The following GAK variants were observed in gnomAD, a reference collection of about 807,000 sequenced individuals.
GAK encodes the protein cyclin G associated kinase.
GAK carries 79 observed loss-of-function variants against 143.9 expected under a neutral mutation model. That is an observed-to-expected ratio of 0.55 (90% CI 0.46 to 0.66). The LOEUF is 0.66. GAK is among the 30% of genes least tolerant of loss of function. The pLI is 0.00. For synonymous variants in GAK, 881 were observed against 765.5 expected, an observed-to-expected ratio of 1.15 and a Z score of -2.49; for missense variants, 1,693 against 1,779.7, an observed-to-expected ratio of 0.95 and a Z score of 0.88.
At chr4:914,746 C>CA (rs1722787329) in intron 1 of GAK, among the ~76,000 whole-genome samples, 1 of 115,270 alleles carries the variant, frequency 8.7e-6, no homozygotes, top group Non-Finnish European at 1.8e-5. Flanking sequence ...GTGCAAGGCC[C>CA]CACACACAGC....
chr4:915,390 G>A, intron 1 of GAK: 1 of 174,600 alleles, frequency 5.7e-6, no homozygotes, highest in Non-Finnish European at 1.2e-5. Context: ...ATAAATTCTA[G>A]ACAGACTGAT....
At chr4:856,451 T>C (rs1371010262) in intron 24 of GAK, among the ~76,000 whole-genome samples, 90 of 91,380 alleles carry the variant, frequency 9.8e-4, no homozygotes, top group Middle Eastern at 0.026. Context: ...AGCTGCTCAC[T>C]ACAGCTGCTC....
At chr4:926,704 G>C (rs963833995) in intron 1 of GAK, among the ~76,000 whole-genome samples, 1 of 152,140 alleles carries the variant, frequency 6.6e-6, no homozygotes, top group African/African-American at 2.4e-5. Context: ...TGGAAGTGAA[G>C]GCGGTTGGTA....
intron 18 of GAK, among the ~76,000 whole-genome samples, chr4:874,528 C>T (rs529231223): frequency 1.2e-4 from 19 of 152,158 alleles, no homozygotes; most frequent in East Asian, 3.8e-4. Context: ...AGAGACGGCG[C>T]GCCTCAGCTG....
Position 877,121 on chromosome 4 carries a change from C to T in GAK, c.1943G>A (p.Arg648Gln), listed in dbSNP as rs1226601402. 6.2e-6 allele frequency: 10 copies of T among 1,613,116 alleles called. No individual in the cohort carries two copies. The highest frequency in any genetic ancestry group is 3.3e-5 in the South Asian group (3 of 91,034). ...GDVLIVIYHA[R>Q]STLGGRLQAK... ...CTGCAGCCGGCCGCCCAGAGTGGAC[C>T]GGGCGTGATAGATGACGATGAGCAC... The change falls in exon 17 of 28, where the codon CGG becomes CAG. Residue 648 changes from arginine (R) to glutamine (Q), a missense_variant. Physicochemically the swap from Arg to Gln is conservative, Grantham distance 43. Coordinates refer to ENST00000314167, the MANE Select transcript of GAK (RefSeq NM_005255.4).
chr4:903,627 A>T (rs1227928369), intron 5 of GAK, among the ~76,000 whole-genome samples: 96 of 142,568 alleles, frequency 6.7e-4, no homozygotes, highest in African/African-American at 1.7e-3. Flanking sequence ...GCGGGGCCTG[A>T]ACTGACACCA....
intron 5 of GAK, among the ~76,000 whole-genome samples, chr4:903,554 G>A (rs1720377543): frequency 6.6e-6 from 1 of 152,164 alleles, no homozygotes; most frequent in South Asian, 2.1e-4. Flanking sequence ...GGGTGAGCAG[G>A]AGTTGGGGGC....
rs201672445 is a variant in GAK, at chr4:849,799, G to A, written c.3835-25C>T. The A allele has an allele frequency of 4.9e-4, 781 of 1,598,994 alleles. 2 individuals carry two copies. Among genetic ancestry groups the A allele is most frequent in the South Asian group, 6.1e-4 (55 of 90,220 alleles). On this transcript the variant is annotated intron_variant, in intron 27 of 27. Coordinates refer to ENST00000314167, the MANE Select transcript of GAK (RefSeq NM_005255.4). ...CCTATGGGTGACAGGCGGTGTAAGC[G>A]CCTCTTATAAGCATGCGGGGGCGGG...
In GAK at chr4:883,374, G is replaced by T. The variant is rs771974925; in HGVS notation, c.1345C>A (p.His449Asn). The change falls in exon 13 of 28, where the codon CAC becomes AAC. Residue 449 changes from histidine (H) to asparagine (N), a missense_variant. This residue lies in a region of GAK where 871 missense variants were observed against 991.0 expected (regional missense o/e 0.88). Transcript: ENST00000314167. The part of the protein sequence containing the change: ...RLFLDSKHPG[H>N]YAVYNLSPRT... ...GGGGACAGGTTGTAGACGGCATAGTGCCCTGGGTGCTTGGAGTCCAGGAAC... is the reference window on the plus strand; with the variant it reads ...GGGGACAGGTTGTAGACGGCATAGTTCCCTGGGTGCTTGGAGTCCAGGAAC... The T allele has an allele frequency of 8.1e-6, 13 of 1,613,626 alleles. No individual in the cohort carries two copies. The highest frequency in any genetic ancestry group is 1.0e-5 in the Non-Finnish European group (12 of 1,180,010).
chr4:910,584 A>T (rs1721874105), intron 4 of GAK, among the ~76,000 whole-genome samples: 1 of 151,890 alleles, frequency 6.6e-6, no homozygotes, highest in South Asian at 2.1e-4. Flanking sequence ...GGCCTGCGCT[A>T]GCCGGCCTGC....
Position 855,684 on chromosome 4 carries a change from C to G in GAK, c.3284-3710G>C, listed in dbSNP as rs142049290. On this transcript the variant is annotated intron_variant, in intron 24 of 27. Coordinates refer to ENST00000314167, the MANE Select transcript of GAK (RefSeq NM_005255.4). Reference sequence around the variant, plus strand: ...GGAGGATGGTTAAAAATGATATTGGCTTGGCCAGGCAGGGTGGCTCATACC... The same window carrying G: ...GGAGGATGGTTAAAAATGATATTGGGTTGGCCAGGCAGGGTGGCTCATACC... Among the ~76,000 whole-genome samples, 78 of 152,312 alleles carry G rather than the reference C, an allele frequency of 5.1e-4. 1 individual carries two copies. The highest frequency in any genetic ancestry group is 1.8e-3 in the African/African-American group (75 of 41,568).
chr4:856,576 C>G (rs1345280783), intron 24 of GAK, among the ~76,000 whole-genome samples: 212 of 147,438 alleles, frequency 1.4e-3, no homozygotes, highest in African/African-American at 4.5e-3. Flanking sequence ...CTCACCACAG[C>G]TGCTCACCAC....
intron 1 of GAK, among the ~76,000 whole-genome samples, chr4:925,723 T>C (rs1010325422): frequency 3.9e-5 from 6 of 152,192 alleles, no homozygotes; most frequent in Admixed American, 6.5e-5. Flanking sequence ...CCTTCTGCCC[T>C]GTGAGGACAC....
intron 26 of GAK, 78 bp downstream of exon 26, chr4:850,858 C>T: frequency 2.0e-6 from 3 of 1,503,664 alleles, no homozygotes; most frequent in Non-Finnish European, 2.7e-6. Flanking sequence ...GACGCCGGCT[C>T]CATAAGGCAC....
intron 18 of GAK, among the ~76,000 whole-genome samples, chr4:873,602 T>C (rs1713174526): frequency 6.6e-6 from 1 of 152,152 alleles, no homozygotes; most frequent in Non-Finnish European, 1.5e-5. Context: ...TTCTGCCCTT[T>C]GTGCTGCCTG....
At chr4:852,140 G>C (rs959455194) in intron 24 of GAK, 166 bp from the exon 25 acceptor site, 5 of 663,412 alleles carry the variant, frequency 7.5e-6, no homozygotes, top group Non-Finnish European at 1.3e-5. Flanking sequence ...ACGTGTGAAG[G>C]TCTCCAGGGG....
intron 13 of GAK, 65 bp from the exon 14 acceptor site, chr4:882,884 G>C: frequency 6.3e-7 from 1 of 1,580,726 alleles, no homozygotes; most frequent in Non-Finnish European, 8.6e-7. Flanking sequence ...GGTCAGCTAG[G>C]AGGGACAGCC....
At chr4:888,253 T>A (rs1716924242) in intron 11 of GAK, 1 of 152,344 alleles carries the variant, frequency 6.6e-6, no homozygotes, top group South Asian at 2.1e-4. Context: ...GCAGCCAGCG[T>A]GCTCCTGGGC....
In GAK at chr4:927,945, C is replaced by T. The variant is rs11734449; in HGVS notation, c.145+4098G>A. ...CAGCACAGAGCTGCAGAGGCTGGTG[C>T]CCTCAGTCACATGGCCAAGAGAACA... On this transcript the variant is annotated intron_variant, in intron 1 of 27. Coordinates refer to ENST00000314167, the MANE Select transcript of GAK (RefSeq NM_005255.4). 7.9e-5 allele frequency among the ~76,000 whole-genome samples: 12 copies of T among 152,196 alleles called. No individual in the cohort carries two copies. In the East Asian group the frequency reaches 2.3e-3, roughly 29 times the overall value.
Sources: allele counts gnomAD v4.1 joint callset (sites outside exome capture counted in the v4.1 genomes callset), GRCh38; gene constraint gnomAD v4.1.1; regional missense constraint gnomAD v4.1.1; transcripts MANE v1.5; gene names NCBI Gene and HGNC (gene_info 2026-07-23, HGNC 2026-07-21).